THSD7A: variants seen among roughly 807,000 people sequenced by gnomAD.
THSD7A encodes the protein thrombospondin type-1 domain-containing protein 7A.
Under a neutral mutation model 231.3 loss-of-function variants are expected in THSD7A, and 96 were observed. The observed-to-expected ratio is 0.41, with a 90% CI of 0.35 to 0.49. The LOEUF (loss-of-function observed/expected upper bound fraction) is 0.49, where lower values mean the gene tolerates loss of function less well. Among genes scored for constraint, THSD7A ranks in the 20% least tolerant of loss-of-function variants. The pLI, the probability that THSD7A is intolerant of heterozygous loss-of-function variation, is 0.05. For missense variants in THSD7A, 2,290 were observed against 2,070.2 expected, an observed-to-expected ratio of 1.11 and a Z score of -2.06; for synonymous variants, 940 against 743.3, an observed-to-expected ratio of 1.26 and a Z score of -4.30.
At position 11,543,048 on chromosome 7, in the gene THSD7A, G is replaced by A. The variant is rs866976180; in HGVS notation, c.1523C>T (p.Pro508Leu). The change falls in exon 5 of 28, where the codon CCT becomes CTT. Residue 508 changes from proline (P) to leucine (L), a missense_variant. Transcript: ENST00000423059. ...TGAAACTTCACATTCAGTTGGACAA[G>A]GAATGTGGCACAGCTGTGTAGTATT... ...IPNTTQLCHI[P>L]CPTECEVSPW... 6.2e-7 allele frequency: 1 copy of A among 1,613,830 alleles called. No individual in the cohort carries two copies. Among genetic ancestry groups the A allele is most frequent in the Middle Eastern group, 1.6e-4 (1 of 6,062 alleles).
intron 1 of THSD7A, among the ~76,000 whole-genome samples, chr7:11,753,876 C>T (rs1782588505): frequency 2.0e-5 from 3 of 151,464 alleles, no homozygotes; most frequent in Admixed American, 6.6e-5. Flanking sequence ...AGAATTAGAT[C>T]CAGATTTTAC....
intron 1 of THSD7A, among the ~76,000 whole-genome samples, chr7:11,749,839 G>A (rs1316695882): frequency 6.6e-6 from 1 of 151,934 alleles, no homozygotes; most frequent in Non-Finnish European, 1.5e-5. Flanking sequence ...AGGGCCTCTA[G>A]GTGAGACAAA....
intron 1 of THSD7A, among the ~76,000 whole-genome samples, chr7:11,659,960 A>G (rs1782865036): frequency 6.6e-6 from 1 of 151,508 alleles, no homozygotes; most frequent in Non-Finnish European, 1.5e-5. Flanking sequence ...CTGACCTCAG[A>G]CCTAATGATT....
Position 11,434,961 on chromosome 7 carries a change from T to C in THSD7A, c.3065-5836A>G, listed in dbSNP as rs533719195. On this transcript the variant is annotated intron_variant, in intron 13 of 27. Coordinates refer to ENST00000423059, the MANE Select transcript of THSD7A (RefSeq NM_015204.3). ...ATCAATATTAGGCAATTAATTATCA[T>C]AGTAAAGTACCCAGGCAAATTTATA... is the stretch of plus-strand genomic sequence containing the variant. Among the ~76,000 whole-genome samples the C allele has an allele frequency of 1.2e-4, 19 of 152,100 alleles. 1 individual carries two copies. In the South Asian group the frequency reaches 3.7e-3, roughly 30 times the overall value.
intron 6 of THSD7A, among the ~76,000 whole-genome samples, chr7:11,530,842 C>A (rs547520779): frequency 4.3e-4 from 66 of 152,184 alleles, no homozygotes; most frequent in Non-Finnish European, 9.3e-4. Flanking sequence ...GAAGCCTGGT[C>A]TCTACTAAAA....
intron 4 of THSD7A, among the ~76,000 whole-genome samples, chr7:11,546,204 T>TGCACACACACACA (rs1562706169): frequency 7.1e-6 from 1 of 140,266 alleles, no homozygotes; most frequent in African/African-American, 2.7e-5. Flanking sequence ...GGGCGCGCGC[T>TGCACACACACACA]CACACACACA....
At chr7:11,696,377 G>C (rs192422706) in intron 1 of THSD7A, among the ~76,000 whole-genome samples, 15 of 151,630 alleles carry the variant, frequency 9.9e-5, no homozygotes, top group Admixed American at 9.2e-4. Flanking sequence ...GAAGATATAA[G>C]GAAGTCAATT....
intron 4 of THSD7A, among the ~76,000 whole-genome samples, chr7:11,585,867 G>A (rs190366296): frequency 2.0e-5 from 3 of 152,012 alleles, no homozygotes; most frequent in African/African-American, 4.8e-5. Flanking sequence ...AATACCCAGA[G>A]AAAACCCATG....
intron 1 of THSD7A, among the ~76,000 whole-genome samples, chr7:11,763,901 AAAGT>A (rs1411823797): frequency 6.6e-6 from 1 of 152,206 alleles, no homozygotes; most frequent in Non-Finnish European, 1.5e-5. Context: ...TGGAGTAGTT[AAAGT>A]AAGACTATGA....
intron 6 of THSD7A, among the ~76,000 whole-genome samples, chr7:11,524,476 AC>A (rs1453000398): frequency 6.6e-6 from 1 of 152,138 alleles, no homozygotes; most frequent in Non-Finnish European, 1.5e-5. Flanking sequence ...ATTTCAACGA[AC>A]CTTTAAGTTG....
intron 23 of THSD7A, among the ~76,000 whole-genome samples, chr7:11,398,714 C>T (rs149312774): frequency 1.4e-3 from 219 of 152,282 alleles, no homozygotes; most frequent in African/African-American, 5.0e-3. Context: ...CGTACACTGA[C>T]ACACAGATAT....
At chr7:11,735,448 A>G (rs1012182045) in intron 1 of THSD7A, among the ~76,000 whole-genome samples, 1 of 151,992 alleles carries the variant, frequency 6.6e-6, no homozygotes, top group Non-Finnish European at 1.5e-5. Flanking sequence ...GCACAAAATT[A>G]TTTGAAATCT....
At chr7:11,712,565 A>G (rs943575399) in intron 1 of THSD7A, among the ~76,000 whole-genome samples, 2 of 151,036 alleles carry the variant, frequency 1.3e-5, no homozygotes, top group African/African-American at 4.8e-5. Flanking sequence ...AATATCAATA[A>G]TATCAGTAAT....
At chr7:11,478,778 G>C (rs930100619) in intron 7 of THSD7A, among the ~76,000 whole-genome samples, 13 of 152,122 alleles carry the variant, frequency 8.5e-5, no homozygotes, top group Non-Finnish European at 1.8e-4. Context: ...TCGATAGATA[G>C]ATACATACAT....
At chr7:11,661,539 G>A (rs924246264) in intron 1 of THSD7A, among the ~76,000 whole-genome samples, 1 of 151,038 alleles carries the variant, frequency 6.6e-6, no homozygotes, top group African/African-American at 2.4e-5. Context: ...CAAAAAAAGT[G>A]TAAAACACTG....
intron 4 of THSD7A, among the ~76,000 whole-genome samples, chr7:11,559,421 T>C (rs1789986598): frequency 6.6e-6 from 1 of 152,068 alleles, no homozygotes; most frequent in African/African-American, 2.4e-5. Context: ...AAGAGTAAAA[T>C]ATTCTTAGGA....
At chr7:11,578,226 A>G (rs950566479) in intron 4 of THSD7A, among the ~76,000 whole-genome samples, 4 of 152,198 alleles carry the variant, frequency 2.6e-5, no homozygotes, top group Non-Finnish European at 4.4e-5. Context: ...ACGTAAACAA[A>G]AGCAATTAAT....
rs1562559446 is a variant in THSD7A, at chr7:11,377,825, A to C, written c.4802-1168T>G. 6.6e-6 allele frequency: 1 copy of C among 152,088 alleles called. No individual in the cohort carries two copies. The highest frequency in any genetic ancestry group is 1.5e-5 in the Non-Finnish European group (1 of 68,000). 9.4% of individuals were successfully genotyped at this position (152,088 alleles called of 1,614,324 possible). On this transcript the variant is annotated intron_variant, in intron 26 of 27. Transcript: ENST00000423059. The surrounding 1 kb of genome is among the most constrained non-coding windows in gnomAD (Gnocchi z 4.5). ...ATTTTAAAATTTTAACTTTGGGGAA[A>C]CTATATATAAAATTTAAAATAATGA...
intron 1 of THSD7A, among the ~76,000 whole-genome samples, chr7:11,828,426 A>T (rs1034096269): frequency 6.6e-6 from 1 of 152,152 alleles, no homozygotes; most frequent in Admixed American, 6.5e-5. Context: ...CAGATCATAT[A>T]TTAAATTATC....
Sources: allele counts gnomAD v4.1 joint callset (sites outside exome capture counted in the v4.1 genomes callset), GRCh38; gene constraint gnomAD v4.1.1; non-coding constraint Gnocchi (gnomAD v3.1); transcripts MANE v1.5; gene names NCBI Gene and HGNC (gene_info 2026-07-23, HGNC 2026-07-21).